SCD5: variants seen among roughly 807,000 people sequenced by gnomAD.
SCD5 encodes stearoyl-CoA desaturase 5.
In SCD5, 20 loss-of-function variants were observed where a neutral mutation model predicts 30.4. The ratio of observed to expected loss-of-function variants is 0.66; its 90% CI spans 0.46 to 0.96. The LOEUF (loss-of-function observed/expected upper bound fraction) is 0.96. Ranked by LOEUF, SCD5 falls within the 40% of genes least tolerant of loss-of-function variation. The pLI is 0.00. For missense variants in SCD5, 381 were observed against 443.3 expected (o/e 0.86, Z 1.26); for synonymous variants, 173 against 176.4 (o/e 0.98, Z 0.16).
At chr4:82,782,797 TG>T (rs1721900005) in intron 1 of SCD5, among the ~76,000 whole-genome samples, 1 of 152,226 alleles carries the variant, frequency 6.6e-6, no homozygotes, top group Non-Finnish European at 1.5e-5. Flanking sequence ...CACCAACGTG[TG>T]GATTCCTGTG....
chr4:82,704,649 T>G (rs931871810), intron 2 of SCD5, among the ~76,000 whole-genome samples: 1 of 152,204 alleles, frequency 6.6e-6, no homozygotes, highest in African/African-American at 2.4e-5. Flanking sequence ...ATTAAGAAAC[T>G]GAAGTTGAGG....
chr4:82,788,440 G>A (rs1291079567), intron 1 of SCD5, among the ~76,000 whole-genome samples: 1 of 152,198 alleles, frequency 6.6e-6, no homozygotes, highest in Non-Finnish European at 1.5e-5. Context: ...ACCCAGGCTG[G>A]AGTGCAGCGG....
chr4:82,716,602 T>C (rs1720233652), intron 1 of SCD5, among the ~76,000 whole-genome samples: 1 of 151,700 alleles, frequency 6.6e-6, no homozygotes, highest in Non-Finnish European at 1.5e-5. Flanking sequence ...TCACTTGAGG[T>C]CAGGAGTTCG....
chr4:82,666,034 T>C (rs1728178503), intron 3 of SCD5, among the ~76,000 whole-genome samples: 1 of 152,202 alleles, frequency 6.6e-6, no homozygotes, highest in African/African-American at 2.4e-5. Flanking sequence ...TTTATTCTTA[T>C]ATTTTGTTTA....
intron 2 of SCD5, among the ~76,000 whole-genome samples, chr4:82,688,937 T>G (rs1355866764): frequency 6.6e-6 from 1 of 152,180 alleles, no homozygotes; most frequent in East Asian, 1.9e-4. Context: ...GGCAAATAAG[T>G]TGGTCTTCTG....
chr4:82,697,707 C>T (rs1719725336), intron 2 of SCD5, among the ~76,000 whole-genome samples: 4 of 152,110 alleles, frequency 2.6e-5, no homozygotes, highest in South Asian at 2.1e-4. Flanking sequence ...AAAGAAAATG[C>T]CGTACCCCAC....
At chr4:82,687,654 T>A (rs1349116077) in intron 2 of SCD5, among the ~76,000 whole-genome samples, 2 of 152,194 alleles carry the variant, frequency 1.3e-5, no homozygotes, top group Non-Finnish European at 2.9e-5. Flanking sequence ...TACTTCACTA[T>A]CCATGATTGA....
chr4:82,699,130 A>T (rs910669830), intron 2 of SCD5, among the ~76,000 whole-genome samples: 3 of 152,116 alleles, frequency 2.0e-5, no homozygotes, highest in African/African-American at 7.2e-5. Context: ...GAATCATCTT[A>T]AAACCATCCC....
intron 2 of SCD5, among the ~76,000 whole-genome samples, chr4:82,692,668 C>T (rs1204155544): frequency 6.6e-6 from 1 of 152,228 alleles, no homozygotes; most frequent in African/African-American, 2.4e-5. Context: ...GGATTTCACA[C>T]TCAAGGGCTG....
At chr4:82,647,830 T>A (rs1234329012) in intron 3 of SCD5, among the ~76,000 whole-genome samples, 1 of 152,194 alleles carries the variant, frequency 6.6e-6, no homozygotes, top group East Asian at 1.9e-4. Flanking sequence ...CCCGGACTTT[T>A]AAAAAAATTG....
intron 1 of SCD5, among the ~76,000 whole-genome samples, chr4:82,708,118 C>A (rs760113281): frequency 2.6e-5 from 4 of 152,022 alleles, no homozygotes; most frequent in Non-Finnish European, 2.9e-5. Context: ...GCAGTGGCTG[C>A]TAATGGGTTC....
intron 3 of SCD5, among the ~76,000 whole-genome samples, chr4:82,664,828 T>C (rs1728131871): frequency 6.6e-6 from 1 of 151,584 alleles, no homozygotes; most frequent in South Asian, 2.1e-4. Context: ...TAAAATGTAA[T>C]TAGAGTCCCA....
At chr4:82,694,271 C>T (rs1245887588) in intron 2 of SCD5, among the ~76,000 whole-genome samples, 1 of 152,170 alleles carries the variant, frequency 6.6e-6, no homozygotes. Context: ...TGACTCCAGG[C>T]CCTGGAGTTC....
chr4:82,745,240 C>T (rs1720955489), intron 1 of SCD5, among the ~76,000 whole-genome samples: 1 of 152,226 alleles, frequency 6.6e-6, no homozygotes. Context: ...GAACCCATTT[C>T]TTGGGGACAG....
At chr4:82,659,509 C>T (rs912972258) in intron 3 of SCD5, among the ~76,000 whole-genome samples, 17 of 152,082 alleles carry the variant, frequency 1.1e-4, no homozygotes, top group Admixed American at 6.6e-5. Context: ...TAGCTGTGTC[C>T]CAGGGCTTCT....
chr4:82,644,154 G>C (rs1727595959), intron 3 of SCD5, among the ~76,000 whole-genome samples: 1 of 152,138 alleles, frequency 6.6e-6, no homozygotes, highest in African/African-American at 2.4e-5. Flanking sequence ...GCCTCTGATG[G>C]AGAGCTGCCT....
chr4:82,786,713 A>T (rs757212249), intron 1 of SCD5, among the ~76,000 whole-genome samples: 4 of 150,280 alleles, frequency 2.7e-5, no homozygotes, highest in Non-Finnish European at 5.9e-5. Context: ...AATCGCTTGA[A>T]CCCAGAAGGC....
chr4:82,672,038 G>A (rs1728337951), intron 3 of SCD5, among the ~76,000 whole-genome samples: 1 of 152,112 alleles, frequency 6.6e-6, no homozygotes, highest in Admixed American at 6.6e-5. Context: ...ATCAAAATTT[G>A]TGGGATGCCA....
intron 1 of SCD5, among the ~76,000 whole-genome samples, chr4:82,782,977 T>C (rs137890428): frequency 3.5e-4 from 53 of 152,328 alleles, no homozygotes; most frequent in Non-Finnish European, 6.2e-4. Context: ...CCAGGCCACC[T>C]GCTTCGGGGC....
Sources: allele counts gnomAD v4.1 joint callset (sites outside exome capture counted in the v4.1 genomes callset), GRCh38; gene constraint gnomAD v4.1.1; transcripts MANE v1.5; gene names NCBI Gene and HGNC (gene_info 2026-07-23, HGNC 2026-07-21).